MFSD6: variants seen among roughly 807,000 people sequenced by gnomAD.
The protein encoded by MFSD6 is major facilitator superfamily domain containing 6.
A neutral mutation model predicts 56.3 loss-of-function variants in MFSD6; 26 were observed. That is an observed-to-expected ratio of 0.46 (90% confidence interval 0.34 to 0.64). MFSD6 has a LOEUF of 0.64. Among genes scored for constraint, MFSD6 ranks in the 30% least tolerant of loss-of-function variants. The probability of loss-of-function intolerance (pLI) is 0.01; values close to 1 mark genes in which losing one functional copy is unlikely to be tolerated. For missense variants in MFSD6, 750 were observed against 986.2 expected, an observed-to-expected ratio of 0.76 and a Z score of 3.21; for synonymous variants, 331 against 366.9, an observed-to-expected ratio of 0.90 and a Z score of 1.12.
At position 190,469,787 on chromosome 2, in the gene MFSD6, C is replaced by T. The variant is rs763361431; in HGVS notation, c.1562C>T (p.Thr521Met). The change falls in exon 4 of 8, where the codon ACG (threonine) becomes ATG (methionine). Residue 521 changes from threonine to methionine, a missense_variant. By Grantham distance (81) the Thr-to-Met change is moderately conservative. Around this residue, in one of 5 missense-constraint regions of MFSD6, gnomAD observed 125 missense variants for 223.1 expected, o/e 0.56. Coordinates refer to ENST00000392328, the MANE Select transcript of MFSD6 (RefSeq NM_017694.4). The surrounding 1 kb of genome is among the most constrained non-coding windows in gnomAD (Gnocchi z 5.3). Reference sequence around the variant, plus strand: ...CTGTACATTGGCCTGGCCTGCAATACGGCTCGCTATATTTATATTTCCTAC... The same window carrying T: ...CTGTACATTGGCCTGGCCTGCAATATGGCTCGCTATATTTATATTTCCTAC... ...RVLYIGLACN[T>M]ARYIYISYLE... The T allele has an allele frequency of 2.3e-5, 37 of 1,603,972 alleles. 1 individual carries two copies. The Middle Eastern group carries it at 1.2e-3, about 51-fold the overall frequency.
chr2:190,462,191 C>A lies in MFSD6; in HGVS notation c.1533-7567C>A, dbSNP rs1415439572. On this transcript the variant is annotated intron_variant, in intron 3 of 7. Transcript: ENST00000392328. This position sits in a 1 kb window ranked among gnomAD's most constrained non-coding sequence, Gnocchi z 5.7. ...ATGAATTGATTCCATATTGAGTACA[C>A]ATACAGACATTTTATGGAGAAATGG... is the stretch of plus-strand genomic sequence containing the variant. Among the ~76,000 whole-genome samples the A allele has an allele frequency of 6.6e-6, 1 of 152,070 alleles. No homozygotes were observed. The highest frequency in any genetic ancestry group is 2.4e-5 in the African/African-American group (1 of 41,370).
chr2:190,455,701 G>T lies in MFSD6; in HGVS notation c.1533-14057G>T, dbSNP rs913243731. 4.0e-5 allele frequency among the ~76,000 whole-genome samples: 6 copies of T among 151,796 alleles called. No individual in the cohort carries two copies. In the South Asian group the frequency reaches 1.2e-3, roughly 31 times the overall value. ...ACATTATAGAATTGTTAGTATGGAG[G>T]GTGGGCACGGTGCAGGGGCATCGTG... On this transcript the variant is annotated intron_variant, in intron 3 of 7. Coordinates refer to ENST00000392328, the MANE Select transcript of MFSD6 (RefSeq NM_017694.4).
At chr2:190,429,532 TG>T (rs1389367164) in intron 2 of MFSD6, among the ~76,000 whole-genome samples, 1 of 152,090 alleles carries the variant, frequency 6.6e-6, no homozygotes, top group Non-Finnish European at 1.5e-5. Flanking sequence ...TTCATCATGT[TG>T]GCCAGCCTGG....
intron 3 of MFSD6, among the ~76,000 whole-genome samples, chr2:190,464,623 G>C (rs1319463850): frequency 1.3e-5 from 2 of 152,092 alleles, no homozygotes; most frequent in South Asian, 2.1e-4. Flanking sequence ...TGCTCTTTCT[G>C]CCCTCTTTGG....
chr2:190,485,437 G>C lies in MFSD6; in HGVS notation c.1631-3220G>C, dbSNP rs867604908. ...TTTCGGTAATTCATCTTTAAGAAAT[G>C]ATTTCCAAATCTGTGTTGGATTTTG... On this transcript the variant is annotated intron_variant, in intron 4 of 7. Transcript: ENST00000392328. This position sits in a 1 kb window ranked among gnomAD's most constrained non-coding sequence, Gnocchi z 5.1. 6.6e-6 allele frequency among the ~76,000 whole-genome samples: 1 copy of C among 152,022 alleles called. No homozygotes were observed. Among genetic ancestry groups the C allele is most frequent in the Non-Finnish European group, 1.5e-5 (1 of 67,970 alleles).
intron 3 of MFSD6, among the ~76,000 whole-genome samples, chr2:190,464,428 G>A (rs1473370388): frequency 1.3e-5 from 2 of 152,088 alleles, no homozygotes; most frequent in African/African-American, 4.8e-5. Context: ...GTCTTTCTTT[G>A]CTGCTCACAC....
rs1002530554 is a variant in MFSD6 at position 190,471,940 on chromosome 2, G to A, written c.1630+2085G>A. ...CAATATTTGCTGTTCACCAATATCC[G>A]CTGTTCTGCAGCTTTCACTGCTGAT... On this transcript the variant is annotated intron_variant, in intron 4 of 7. Transcript: ENST00000392328. The surrounding 1 kb of genome is among the most constrained non-coding windows in gnomAD (Gnocchi z 4.7). 2.6e-5 allele frequency among the ~76,000 whole-genome samples: 4 copies of A among 152,160 alleles called. No homozygotes were observed. Among genetic ancestry groups the A allele is most frequent in the Non-Finnish European group, 5.9e-5 (4 of 68,044 alleles).
At chr2:190,435,485 C>T (rs1007406673) in intron 2 of MFSD6, among the ~76,000 whole-genome samples, 3 of 152,214 alleles carry the variant, frequency 2.0e-5, no homozygotes, top group Admixed American at 6.5e-5. Context: ...ACAATGCCAT[C>T]GGCTTCCTCT....
In MFSD6 at chr2:190,454,762, G is replaced by C. The variant is rs1266178720; in HGVS notation, c.1533-14996G>C. On this transcript the variant is annotated intron_variant, in intron 3 of 7. Coordinates refer to ENST00000392328, the MANE Select transcript of MFSD6 (RefSeq NM_017694.4). The surrounding 1 kb of genome is among the most constrained non-coding windows in gnomAD (Gnocchi z 4.6). ...AGCAAATTAATAATGTGTCTAAATA[G>C]AGTAAGGAGAGCCTGAGGCAGGTAT... Among the ~76,000 whole-genome samples, 1 of 152,100 alleles carries C rather than the reference G, an allele frequency of 6.6e-6. No individual in the cohort carries two copies. The highest frequency in any genetic ancestry group is 1.5e-5 in the Non-Finnish European group (1 of 68,022).
chr2:190,481,864 T>C (rs1688690234), intron 4 of MFSD6, among the ~76,000 whole-genome samples: 1 of 152,236 alleles, frequency 6.6e-6, no homozygotes, highest in Non-Finnish European at 1.5e-5. Flanking sequence ...TTGCTCTTTG[T>C]AGGATCCTCC....
At chr2:190,435,584 C>T (rs1245726191) in intron 2 of MFSD6, among the ~76,000 whole-genome samples, 1 of 152,154 alleles carries the variant, frequency 6.6e-6, no homozygotes, top group Non-Finnish European at 1.5e-5. Context: ...CTAAAGAATC[C>T]TAGACTTCAT....
rs1685742437 is a variant in MFSD6 at position 190,424,970 on chromosome 2, A to G, written c.-54+9557A>G. 2.0e-5 allele frequency among the ~76,000 whole-genome samples: 3 copies of G among 152,234 alleles called. No homozygotes were observed. The highest frequency in any genetic ancestry group is 2.1e-4 in the South Asian group (1 of 4,832). On this transcript the variant is annotated intron_variant, in intron 2 of 7. Coordinates refer to ENST00000392328, the MANE Select transcript of MFSD6 (RefSeq NM_017694.4). The surrounding 1 kb of genome is among the most constrained non-coding windows in gnomAD (Gnocchi z 5.9). The stretch of plus-strand genomic sequence containing the variant: ...GGAGTTGTGTTAAACCTGTATATCA[A>G]TTTGAGGAGAATTGAAATTCATAAA...
In MFSD6 at chr2:190,491,942, GAGAT is replaced by G. The variant is rs1336643619; in HGVS notation, c.1891+2083_1891+2086del. On this transcript the variant is annotated intron_variant, in intron 6 of 7. Coordinates refer to ENST00000392328, the MANE Select transcript of MFSD6 (RefSeq NM_017694.4). This position sits in a 1 kb window ranked among gnomAD's most constrained non-coding sequence, Gnocchi z 4.2. Reference sequence around the variant, plus strand: ...AGAAGTGAGGGGAGAAATCTTCAATGAGATAGATAGCATAAATAAGAAACAGTTA... The same window carrying G: ...AGAAGTGAGGGGAGAAATCTTCAATGAGATAGCATAAATAAGAAACAGTTA... 1.3e-5 allele frequency among the ~76,000 whole-genome samples: 2 copies of G among 152,264 alleles called. No homozygotes were observed. The highest frequency in any genetic ancestry group is 2.9e-5 in the Non-Finnish European group (2 of 68,024).
Position 190,499,807 on chromosome 2 carries a change from T to G in MFSD6, c.2173-208T>G, listed in dbSNP as rs759586140. The G allele has an allele frequency of 6.5e-7, 1 of 1,527,696 alleles. No individual in the cohort carries two copies. The highest frequency in any genetic ancestry group is 8.8e-7 in the Non-Finnish European group (1 of 1,132,596). 94.6% of individuals were successfully genotyped at this position (1,527,696 alleles called of 1,614,324 possible). A position where few individuals can be genotyped will look rare whatever the true frequency, so the allele number is the denominator to read the frequency against. On this transcript the variant is annotated intron_variant, in intron 7 of 7. Coordinates refer to ENST00000392328, the MANE Select transcript of MFSD6 (RefSeq NM_017694.4). This position sits in a 1 kb window ranked among gnomAD's most constrained non-coding sequence, Gnocchi z 6.0. ...ACAAGACACGTCTGCTTATAGTGTT[T>G]GTGTTTTTCATGCGGCTCTGGCAGT...
At chr2:190,450,533 C>T (rs1348168282) in intron 3 of MFSD6, among the ~76,000 whole-genome samples, 1 of 119,744 alleles carries the variant, frequency 8.4e-6, no homozygotes, top group Non-Finnish European at 1.6e-5. Flanking sequence ...CACTCTGTCT[C>T]CCAGGCTGGA....
intron 4 of MFSD6, among the ~76,000 whole-genome samples, chr2:190,482,019 T>C (rs1688702749): frequency 1.3e-5 from 2 of 151,630 alleles, no homozygotes; most frequent in Non-Finnish European, 1.5e-5. Flanking sequence ...GGTATGACCA[T>C]GTGGTTAATT....
rs566151217 is a variant in MFSD6, at chr2:190,433,048, G to C, written c.-53-2929G>C. 6.6e-6 allele frequency among the ~76,000 whole-genome samples: 1 copy of C among 152,076 alleles called. No homozygotes were observed. The highest frequency in any genetic ancestry group is 1.5e-5 in the Non-Finnish European group (1 of 68,014). ...ACCAATTGTTTACTTTCTGCTTTCC[G>C]TAATTTTATTTTATTGCTATTATGT... On this transcript the variant is annotated intron_variant, in intron 2 of 7. Coordinates refer to ENST00000392328, the MANE Select transcript of MFSD6 (RefSeq NM_017694.4). This position sits in a 1 kb window ranked among gnomAD's most constrained non-coding sequence, Gnocchi z 4.5.
Position 190,497,721 on chromosome 2 carries a change from TAC to T in MFSD6, c.2172+4_2172+5del, listed in dbSNP as rs1330455089. The T allele has an allele frequency of 6.2e-7, 1 of 1,609,152 alleles. No homozygotes were observed. The stretch of plus-strand genomic sequence containing the variant: ...GCTTCTGAGATACAGCCTTTACAGG[TAC>T]AGTTCCTTTGCTGGGCTAGCAATAT... On this transcript the variant is annotated splice_donor_region_variant and intron_variant, in intron 7 of 7. Coordinates refer to ENST00000392328, the MANE Select transcript of MFSD6 (RefSeq NM_017694.4). The surrounding 1 kb of genome is among the most constrained non-coding windows in gnomAD (Gnocchi z 5.2).
At chr2:190,486,185 G>A (rs978316095) in intron 4 of MFSD6, among the ~76,000 whole-genome samples, 1 of 152,230 alleles carries the variant, frequency 6.6e-6, no homozygotes, top group African/African-American at 2.4e-5. Context: ...AGACCTTGTT[G>A]AGTACTCTAC....
Sources: gnomAD v4.1 joint callset for allele counts (sites outside exome capture counted in the v4.1 genomes callset) on GRCh38, gnomAD v4.1.1 for gene constraint, gnomAD v4.1.1 regional missense constraint, Gnocchi (gnomAD v3.1) non-coding constraint, MANE v1.5 for transcripts, NCBI Gene and HGNC (gene_info 2026-07-23, HGNC 2026-07-21) for gene names.